The following WDPCP variants were observed in gnomAD, a reference collection of about 807,000 sequenced individuals.
WDPCP encodes the protein WD repeat containing planar cell polarity effector.
A neutral mutation model predicts 93.1 loss-of-function variants in WDPCP; 71 were observed. The ratio of observed to expected loss-of-function variants is 0.76; its 90% CI spans 0.63 to 0.93. The LOEUF (loss-of-function observed/expected upper bound fraction) is 0.93, where lower values mean the gene tolerates loss of function less well. Ranked by LOEUF, WDPCP falls within the 40% of genes least tolerant of loss-of-function variation. WDPCP has a pLI of 0.00. For synonymous variants in WDPCP, 315 were observed against 315.0 expected, an observed-to-expected ratio of 1.00 and a Z score of 0.00; for missense variants, 844 against 887.4, an observed-to-expected ratio of 0.95 and a Z score of 0.62.
chr2:63,592,020 TCCAGAG>T (rs1709209476), upstream of WDPCP, among the ~76,000 whole-genome samples: 1 of 152,198 alleles, frequency 6.6e-6, no homozygotes, highest in Non-Finnish European at 1.5e-5. Context: ...AAAGTCTGGC[TCCAGAG>T]TCCATCTCTT....
intron 13 of WDPCP, among the ~76,000 whole-genome samples, chr2:63,298,415 C>T (rs1048529201): frequency 6.6e-6 from 1 of 151,784 alleles, no homozygotes; most frequent in Non-Finnish European, 1.5e-5. Flanking sequence ...GAGGAAGAAC[C>T]ACCTTCAGGA....
At chr2:63,313,596 C>G (rs956977361) in intron 12 of WDPCP, among the ~76,000 whole-genome samples, 5 of 151,994 alleles carry the variant, frequency 3.3e-5, no homozygotes, top group Non-Finnish European at 5.9e-5. Context: ...AATACGTTGC[C>G]TCTTCTTGTT....
chr2:63,197,162 C>G (rs976731823), intron 14 of WDPCP, among the ~76,000 whole-genome samples: 1 of 152,128 alleles, frequency 6.6e-6, no homozygotes, highest in Admixed American at 6.5e-5. Flanking sequence ...CCTCTTCCTC[C>G]TTCTCAGCCT....
At chr2:63,648,065 A>T (rs1710072391) in intron 3 of WDPCP, among the ~76,000 whole-genome samples, 1 of 152,216 alleles carries the variant, frequency 6.6e-6, no homozygotes, top group Non-Finnish European at 1.5e-5. Context: ...TTTTAGGAAA[A>T]GGAACACTCT....
intron 12 of WDPCP, among the ~76,000 whole-genome samples, chr2:63,364,146 G>T (rs1265008469): frequency 6.6e-6 from 1 of 152,088 alleles, no homozygotes; most frequent in African/African-American, 2.4e-5. Flanking sequence ...ATGATTCTTT[G>T]TTTTTTCATT....
chr2:63,274,583 G>A (rs1682931896), intron 13 of WDPCP, among the ~76,000 whole-genome samples: 1 of 151,936 alleles, frequency 6.6e-6, no homozygotes, highest in South Asian at 2.1e-4. Context: ...CAAGAAAAAA[G>A]GAGAAAAGCT....
At chr2:63,744,278 C>G (rs992968401) in intron 2 of WDPCP, among the ~76,000 whole-genome samples, 2 of 152,252 alleles carry the variant, frequency 1.3e-5, no homozygotes, top group East Asian at 1.9e-4. Context: ...AAAGCTGCAA[C>G]AGCAATGCAG....
intron 2 of WDPCP, among the ~76,000 whole-genome samples, chr2:63,811,662 T>C (rs1341312969): frequency 6.6e-6 from 1 of 150,768 alleles, no homozygotes; most frequent in African/African-American, 2.4e-5. Context: ...GTTACCTGGG[T>C]ATATTGCTTG....
chr2:63,317,580 C>A (rs1686747697), intron 12 of WDPCP, among the ~76,000 whole-genome samples: 1 of 152,074 alleles, frequency 6.6e-6, no homozygotes, highest in Non-Finnish European at 1.5e-5. Flanking sequence ...ACCAATAAAA[C>A]AGATTAGAGA....
chr2:63,501,647 A>C (rs1238870637), intron 1 of WDPCP, among the ~76,000 whole-genome samples: 1 of 151,988 alleles, frequency 6.6e-6, no homozygotes, highest in African/African-American at 2.4e-5. Context: ...ATGGAGTTTC[A>C]CTCTTGTCAG....
intron 1 of WDPCP, among the ~76,000 whole-genome samples, chr2:63,556,348 G>A (rs1425803016): frequency 6.6e-6 from 1 of 152,210 alleles, no homozygotes; most frequent in Non-Finnish European, 1.5e-5. Flanking sequence ...ATGGGGTTAT[G>A]TAAAAAGTCC....
chr2:63,444,866 C>T (rs1697745088), intron 6 of WDPCP, among the ~76,000 whole-genome samples: 1 of 152,152 alleles, frequency 6.6e-6, no homozygotes, highest in Admixed American at 6.5e-5. Context: ...CTGCTCTGAC[C>T]ATGTCTCTTT....
intron 17 of WDPCP, among the ~76,000 whole-genome samples, chr2:63,138,772 A>G (rs1670831827): frequency 6.6e-6 from 1 of 151,986 alleles, no homozygotes; most frequent in Non-Finnish European, 1.5e-5. Context: ...TTCTTTAGTG[A>G]TGATTTGGGA....
chr2:63,587,930 G>C (rs769968502), intron 1 of WDPCP, among the ~76,000 whole-genome samples: 1 of 152,204 alleles, frequency 6.6e-6, no homozygotes, highest in Non-Finnish European at 1.5e-5. Flanking sequence ...GAAGGGAGAG[G>C]CTCACCTCCT....
intron 12 of WDPCP, among the ~76,000 whole-genome samples, chr2:63,327,534 C>G (rs757789596): frequency 6.6e-6 from 1 of 152,148 alleles, no homozygotes; most frequent in Non-Finnish European, 1.5e-5. Context: ...CCAAAACCCC[C>G]GAGGCCTAGA....
chr2:63,203,148 CCTGT>C (rs1287630266), intron 14 of WDPCP, among the ~76,000 whole-genome samples: 5 of 151,962 alleles, frequency 3.3e-5, no homozygotes, highest in Non-Finnish European at 7.4e-5. Flanking sequence ...ACCCTTGGCA[CCTGT>C]CTTTTTTATT....
chr2:63,636,253 A>G (rs1456983753), intron 3 of WDPCP, among the ~76,000 whole-genome samples: 1 of 152,248 alleles, frequency 6.6e-6, no homozygotes, highest in Non-Finnish European at 1.5e-5. Flanking sequence ...GATTGGAAGA[A>G]TATTGTTAAA....
upstream of WDPCP, chr2:63,827,983 A>C (rs1268496686): frequency 2.0e-5 from 3 of 152,204 alleles, no homozygotes; most frequent in Non-Finnish European, 4.4e-5. Context: ...TAGACATGCA[A>C]GAATTTGAGT....
the WDPCP span, among the ~76,000 whole-genome samples, chr2:63,834,861 A>C: frequency 3.9e-5 from 6 of 152,150 alleles, no homozygotes; most frequent in Admixed American, 3.9e-4. Flanking sequence ...TAGACATCGG[A>C]TATTTTTCGT....
Sources: gnomAD v4.1 joint callset for allele counts (sites outside exome capture counted in the v4.1 genomes callset) on GRCh38, gnomAD v4.1.1 for gene constraint, MANE v1.5 for transcripts, NCBI Gene and HGNC (gene_info 2026-07-23, HGNC 2026-07-21) for gene names.